Variants in NUTM2B observed in about 807,000 individuals in gnomAD.
NUTM2B encodes family with sequence similarity 22, member B.
NUTM2B carries 2 observed loss-of-function variants against 42.4 expected under a neutral mutation model. That is an observed-to-expected ratio of 0.05 (90% confidence interval 0.02 to 0.15). NUTM2B has a LOEUF of 0.15. Among genes scored for constraint, NUTM2B ranks in the 10% least tolerant of loss-of-function variants. The pLI, the probability that NUTM2B is intolerant of heterozygous loss-of-function variation, is 1.00. For missense variants in NUTM2B, 58 were observed against 952.6 expected, an observed-to-expected ratio of 0.06 and a Z score of 12.36; for synonymous variants, 18 against 402.4, an observed-to-expected ratio of 0.04 and a Z score of 11.43.
At chr10:79,695,880 C>T in the NUTM2B span, among the ~76,000 whole-genome samples, 1 of 151,490 alleles carries the variant, frequency 6.6e-6, no homozygotes, top group East Asian at 2.0e-4. Flanking sequence ...GGAGCAACCA[C>T]CTGCCTAAGG....
At chr10:79,705,689 C>T (rs1227075820) in intron 1 of NUTM2B, among the ~76,000 whole-genome samples, 3 of 142,354 alleles carry the variant, frequency 2.1e-5, no homozygotes, top group Non-Finnish European at 4.6e-5. Context: ...TTGCTGAGCA[C>T]GCTGAGGACC....
chr10:79,701,150 C>A (rs1840307642), upstream of NUTM2B, among the ~76,000 whole-genome samples: 1 of 152,044 alleles, frequency 6.6e-6, no homozygotes, highest in Non-Finnish European at 1.5e-5. Context: ...AAATAGTATG[C>A]CCTGTTTTCC....
chr10:79,705,689 C>G (rs1227075820), intron 1 of NUTM2B, among the ~76,000 whole-genome samples: 2 of 142,352 alleles, frequency 1.4e-5, no homozygotes, highest in African/African-American at 5.2e-5. Flanking sequence ...TTGCTGAGCA[C>G]GCTGAGGACC....
At chr10:79,695,503 C>T in the NUTM2B span, among the ~76,000 whole-genome samples, 3 of 152,290 alleles carry the variant, frequency 2.0e-5, no homozygotes, top group African/African-American at 7.2e-5. Context: ...GCCTTAGCCC[C>T]GAAGCCTCAG....
At chr10:79,696,873 T>C in the NUTM2B span, among the ~76,000 whole-genome samples, 1 of 149,262 alleles carries the variant, frequency 6.7e-6, no homozygotes, top group Non-Finnish European at 1.5e-5. Context: ...AAGGCTCCCA[T>C]AAAGGAGGTT....
At chr10:79,696,532 G>A in the NUTM2B span, among the ~76,000 whole-genome samples, 21 of 151,648 alleles carry the variant, frequency 1.4e-4, no homozygotes, top group Middle Eastern at 3.4e-3. Flanking sequence ...GGTGGCCATA[G>A]CCTCCATTAA....
chr10:79,693,620 T>C, the NUTM2B span, among the ~76,000 whole-genome samples: 1 of 152,224 alleles, frequency 6.6e-6, no homozygotes, highest in Non-Finnish European at 1.5e-5. Flanking sequence ...GAGACACATA[T>C]ACTTCTCCCC....
chr10:79,707,156 G>A (rs1474359244), intron 2 of NUTM2B, among the ~76,000 whole-genome samples: 1 of 132,420 alleles, frequency 7.6e-6, no homozygotes, highest in Non-Finnish European at 1.6e-5. Flanking sequence ...GCAGGGCCCA[G>A]CAGGAACCTG....
chr10:79,702,075 A>C (rs1248798375), upstream of NUTM2B, among the ~76,000 whole-genome samples: 3 of 149,018 alleles, frequency 2.0e-5, no homozygotes, highest in Non-Finnish European at 4.5e-5. Flanking sequence ...AAATCATTTA[A>C]GTTTGCCCCA....
intron 5 of NUTM2B, 103 bp downstream of exon 5, chr10:79,710,867 T>A (rs1224099792): frequency 3.4e-6 from 4 of 1,185,926 alleles, no homozygotes; most frequent in Non-Finnish European, 4.5e-6. Context: ...AGTGTGTGTA[T>A]TTCCATGGAT....
chr10:79,693,800 G>A, the NUTM2B span, among the ~76,000 whole-genome samples: 2 of 152,150 alleles, frequency 1.3e-5, no homozygotes, highest in Non-Finnish European at 2.9e-5. Context: ...ATTATGTTAG[G>A]GCAGGACATG....
chr10:79,709,740 G>A, intron 3 of NUTM2B, 60 bp from the exon 4 acceptor site: 1 of 511,474 alleles, frequency 2.0e-6, no homozygotes, highest in South Asian at 2.8e-5. Context: ...GCCGCTGCCT[G>A]GTCCTGCGGG....
At chr10:79,692,556 C>T in the NUTM2B span, among the ~76,000 whole-genome samples, 2 of 152,188 alleles carry the variant, frequency 1.3e-5, no homozygotes, top group South Asian at 2.1e-4. Context: ...ACATTTCATA[C>T]AGGAAGTGAC....
chr10:79,700,778 C>T (rs1030970218), upstream of NUTM2B, among the ~76,000 whole-genome samples: 21 of 152,342 alleles, frequency 1.4e-4, no homozygotes, highest in Admixed American at 1.1e-3. Flanking sequence ...CGGCCGGCCT[C>T]GCGCTGGAAC....
At chr10:79,701,197 G>C (rs1589260838), upstream of NUTM2B, among the ~76,000 whole-genome samples, 1 of 152,090 alleles carries the variant, frequency 6.6e-6, no homozygotes, top group African/African-American at 2.4e-5. Context: ...AGTATTTCTG[G>C]CAAAGATTTT....
chr10:79,700,800 C>T (rs1840301819), upstream of NUTM2B, among the ~76,000 whole-genome samples: 1 of 152,232 alleles, frequency 6.6e-6, no homozygotes, highest in African/African-American at 2.4e-5. Context: ...TCGCCCGCCT[C>T]AAGGCTCCTG....
In NUTM2B at chr10:79,705,828, CAG is replaced by C. The variant is rs889823358; in HGVS notation, c.383-213_383-212del. On this transcript the variant is annotated intron_variant, in intron 1 of 6. Transcript: ENST00000429828. The stretch of plus-strand genomic sequence containing the variant: ...GGCTTGGCTGTTACTTCTTGGGAGA[CAG>C]GGGTCAGGGAGTCTTGGTGACCGGG... Among the ~76,000 whole-genome samples, 41 of 148,560 alleles carry C rather than the reference CAG, an allele frequency of 2.8e-4. 2 individuals are homozygous for C. In the East Asian group the frequency reaches 3.1e-3, roughly 11 times the overall value.
chr10:79,700,780 C>T (rs1441391519), upstream of NUTM2B, among the ~76,000 whole-genome samples: 1 of 152,212 alleles, frequency 6.6e-6, no homozygotes, highest in South Asian at 2.1e-4. Flanking sequence ...GCCGGCCTCG[C>T]GCTGGAACCT....
upstream of NUTM2B, among the ~76,000 whole-genome samples, chr10:79,699,488 G>T (rs1840274920): frequency 1.3e-5 from 2 of 152,210 alleles, no homozygotes; most frequent in South Asian, 4.1e-4. Flanking sequence ...TGTTGCCCAG[G>T]CTGGAGTGCA....
Sources: allele counts gnomAD v4.1 joint callset (sites outside exome capture counted in the v4.1 genomes callset), GRCh38; gene constraint gnomAD v4.1.1; transcripts MANE v1.5; gene names NCBI Gene and HGNC (gene_info 2026-07-23, HGNC 2026-07-21).